The following RBFOX1 variants were observed in gnomAD, a reference collection of about 807,000 sequenced individuals.
RBFOX1 encodes the protein RNA binding protein fox-1 homolog 1.
RBFOX1 carries 8 observed loss-of-function variants against 57.7 expected under a neutral mutation model. That is an observed-to-expected ratio of 0.14 (90% confidence interval 0.08 to 0.25). The LOEUF is 0.25. Ranked by LOEUF, RBFOX1 falls within the 10% of genes least tolerant of loss-of-function variation. RBFOX1 has a pLI of 1.00. For missense variants in RBFOX1, 611 were observed against 548.5 expected, an observed-to-expected ratio of 1.11 and a Z score of -1.14; for synonymous variants, 326 against 222.4, an observed-to-expected ratio of 1.47 and a Z score of -4.15.
intron 3 of RBFOX1, among the ~76,000 whole-genome samples, chr16:6,980,295 C>G (rs183701357): frequency 1.4e-3 from 220 of 152,282 alleles, no homozygotes; most frequent in Non-Finnish European, 2.8e-3. Flanking sequence ...ATGATATGAA[C>G]AATAGTTCTT....
intron 4 of RBFOX1, among the ~76,000 whole-genome samples, chr16:7,112,607 T>C (rs1339602259): frequency 6.6e-6 from 1 of 151,874 alleles, no homozygotes; most frequent in African/African-American, 2.4e-5. Context: ...GGAAAATAAA[T>C]AATGGCTGAG....
intron 5 of RBFOX1, among the ~76,000 whole-genome samples, chr16:7,536,658 G>C (rs181971738): frequency 6.6e-6 from 1 of 152,302 alleles, no homozygotes; most frequent in Admixed American, 6.5e-5. Flanking sequence ...GGATGTCCTG[G>C]GTAGGACAGA....
At chr16:6,623,616 C>T (rs965974441) in intron 2 of RBFOX1, among the ~76,000 whole-genome samples, 7 of 151,922 alleles carry the variant, frequency 4.6e-5, no homozygotes, top group African/African-American at 1.7e-4. Context: ...CACAACAGGC[C>T]CCGGTGTCTA....
intron 3 of RBFOX1, among the ~76,000 whole-genome samples, chr16:6,987,729 T>C (rs17141951): frequency 0.11 from 17,117 of 152,140 alleles, 1,481 homozygotes; most frequent in East Asian, 0.26. Context: ...GACCACAGTT[T>C]ATTCACCTGT....
At chr16:5,762,649 C>G (rs2053631092) in intron 3 of RBFOX1, among the ~76,000 whole-genome samples, 2 of 152,130 alleles carry the variant, frequency 1.3e-5, no homozygotes. Context: ...GTAAGTGGTA[C>G]TCATTGCTGC....
chr16:7,392,437 C>G (rs2098048349), intron 4 of RBFOX1, among the ~76,000 whole-genome samples: 1 of 152,162 alleles, frequency 6.6e-6, no homozygotes, highest in East Asian at 1.9e-4. Context: ...CTAGTAGGTA[C>G]TCCACAAGCA....
chr16:7,020,999 G>A (rs920671979), intron 3 of RBFOX1, among the ~76,000 whole-genome samples: 1 of 152,082 alleles, frequency 6.6e-6, no homozygotes, highest in Non-Finnish European at 1.5e-5. Context: ...ATAGTGGCAG[G>A]CATCTGTAAT....
At chr16:7,127,730 C>G (rs77990559) in intron 4 of RBFOX1, among the ~76,000 whole-genome samples, 2 of 152,150 alleles carry the variant, frequency 1.3e-5, no homozygotes, top group African/African-American at 4.8e-5. Flanking sequence ...TGCTTCAAAA[C>G]GAGCTTTTAT....
intron 3 of RBFOX1, among the ~76,000 whole-genome samples, chr16:5,713,720 G>T (rs897615775): frequency 6.6e-6 from 1 of 152,172 alleles, no homozygotes; most frequent in African/African-American, 2.4e-5. Context: ...GACGCACAAA[G>T]TGCCCACAGC....
At position 6,692,202 on chromosome 16, in the gene RBFOX1, A is replaced by T. The variant is rs573008362; in HGVS notation, c.-16+37552A>T. ...TAACTATAAAGATTACTTTGTTACAAGTTTAGCATCAATAGGAAACTAACT... is the reference window on the plus strand; with the variant it reads ...TAACTATAAAGATTACTTTGTTACATGTTTAGCATCAATAGGAAACTAACT... On this transcript the variant is annotated intron_variant, in intron 3 of 15. Transcript: ENST00000550418. Among the ~76,000 whole-genome samples, 6 of 152,354 alleles carry T rather than the reference A, an allele frequency of 3.9e-5. No homozygotes were observed. The South Asian group carries it at 1.2e-3, about 32-fold the overall frequency.
At chr16:5,902,290 T>G (rs1468872132) in intron 4 of RBFOX1, among the ~76,000 whole-genome samples, 1 of 152,192 alleles carries the variant, frequency 6.6e-6, no homozygotes, top group African/African-American at 2.4e-5. Context: ...AGAGCCACAG[T>G]TGACAAATAA....
intron 2 of RBFOX1, among the ~76,000 whole-genome samples, chr16:6,352,488 A>G (rs73530341): frequency 0.067 from 10,137 of 152,184 alleles, 1,064 homozygotes; most frequent in African/African-American, 0.22. Context: ...TTACTTTGAA[A>G]ATTTTCTAAA....
chr16:5,491,677 C>A (rs886228984), intron 2 of RBFOX1, among the ~76,000 whole-genome samples: 15 of 152,210 alleles, frequency 9.9e-5, no homozygotes, highest in Admixed American at 3.9e-4. Flanking sequence ...GGCCCAGCAG[C>A]CATGAGCTAG....
chr16:5,824,104 C>G (rs561380145), intron 3 of RBFOX1, among the ~76,000 whole-genome samples: 9 of 152,310 alleles, frequency 5.9e-5, no homozygotes, highest in Admixed American at 2.6e-4. Context: ...GTTGCTTCAC[C>G]TCTCTGGGCC....
intron 4 of RBFOX1, among the ~76,000 whole-genome samples, chr16:7,469,643 G>A (rs1020005183): frequency 6.6e-6 from 1 of 152,148 alleles, no homozygotes; most frequent in East Asian, 1.9e-4. Flanking sequence ...TCTTCTTAAT[G>A]TCTCACATCA....
At chr16:6,497,546 G>A (rs975896443) in intron 2 of RBFOX1, among the ~76,000 whole-genome samples, 3 of 142,102 alleles carry the variant, frequency 2.1e-5, no homozygotes, top group Non-Finnish European at 3.1e-5. Flanking sequence ...CCTTTACACC[G>A]ATTTTTGAAG....
intron 2 of RBFOX1, among the ~76,000 whole-genome samples, chr16:6,573,276 C>T (rs1266474033): frequency 2.0e-5 from 3 of 152,164 alleles, no homozygotes; most frequent in African/African-American, 7.2e-5. Flanking sequence ...AAACACGCCT[C>T]ACCGAAGTCT....
At chr16:5,734,404 G>T (rs2052497103) in intron 3 of RBFOX1, among the ~76,000 whole-genome samples, 1 of 151,960 alleles carries the variant, frequency 6.6e-6, no homozygotes, top group Admixed American at 6.6e-5. Flanking sequence ...CTCCAGCCTG[G>T]GCAAGAGAAC....
chr16:5,487,546 C>G (rs1435890120), intron 2 of RBFOX1, among the ~76,000 whole-genome samples: 2 of 152,142 alleles, frequency 1.3e-5, no homozygotes, highest in Non-Finnish European at 2.9e-5. Flanking sequence ...GTCTTGGTCT[C>G]TGTTCTTGAA....
Sources: allele counts gnomAD v4.1 joint callset (sites outside exome capture counted in the v4.1 genomes callset), GRCh38; gene constraint gnomAD v4.1.1; transcripts MANE v1.5; gene names NCBI Gene and HGNC (gene_info 2026-07-23, HGNC 2026-07-21).